Variants in PRKN observed in about 807,000 individuals in gnomAD.
The protein encoded by PRKN is E3 ubiquitin-protein ligase parkin.
PRKN carries 56 observed loss-of-function variants against 59.5 expected under a neutral mutation model. That is an observed-to-expected ratio of 0.94 (90% CI 0.76 to 1.18). PRKN has a LOEUF of 1.18. Ranked by LOEUF, PRKN falls within the 50% of genes most tolerant of loss-of-function variation. The pLI is 0.00. For synonymous variants in PRKN, 250 were observed against 222.1 expected, an observed-to-expected ratio of 1.13 and a Z score of -1.12; for missense variants, 657 against 596.4, an observed-to-expected ratio of 1.10 and a Z score of -1.06.
At chr6:162,386,828 C>T (rs1786848030) in intron 2 of PRKN, among the ~76,000 whole-genome samples, 1 of 152,150 alleles carries the variant, frequency 6.6e-6, no homozygotes, top group Non-Finnish European at 1.5e-5. Flanking sequence ...GTTTCAAACT[C>T]AATCTAAACC....
chr6:162,682,166 G>A (rs1286828385), intron 1 of PRKN, among the ~76,000 whole-genome samples: 1 of 151,960 alleles, frequency 6.6e-6, no homozygotes, highest in Non-Finnish European at 1.5e-5. Context: ...AGCCATACAA[G>A]TGCATATAGT....
chr6:162,533,200 A>G (rs1022713787), intron 1 of PRKN, among the ~76,000 whole-genome samples: 2 of 152,150 alleles, frequency 1.3e-5, no homozygotes, highest in African/African-American at 4.8e-5. Context: ...TTACAATGCT[A>G]TTGTTCTCTG....
rs944882932 is a variant in PRKN, at chr6:162,244,304, A to G, written c.412+18221T>C. Reference sequence around the variant, plus strand: ...TGTGGTCTAGGGCTGGGCACATTCAATCTTATTCTGTATTAAAGTACAGAG... The same window carrying G: ...TGTGGTCTAGGGCTGGGCACATTCAGTCTTATTCTGTATTAAAGTACAGAG... On this transcript the variant is annotated intron_variant, in intron 3 of 11. Transcript: ENST00000366898. Among the ~76,000 whole-genome samples, 4 of 152,020 alleles carry G rather than the reference A, an allele frequency of 2.6e-5. No individual in the cohort carries two copies. In the East Asian group the frequency reaches 5.8e-4, roughly 22 times the overall value.
chr6:162,691,299 G>A (rs1161103098), intron 1 of PRKN, among the ~76,000 whole-genome samples: 2 of 151,878 alleles, frequency 1.3e-5, no homozygotes, highest in African/African-American at 4.8e-5. Context: ...AAATGTTTTA[G>A]AACAAAATAT....
chr6:162,724,753 T>A (rs926231133), intron 1 of PRKN, among the ~76,000 whole-genome samples: 2 of 152,144 alleles, frequency 1.3e-5, no homozygotes, highest in African/African-American at 2.4e-5. Flanking sequence ...GAAAAACAAA[T>A]TTTCCTTTGT....
rs574663108 is a variant in PRKN, at chr6:162,448,345, C to A, written c.8-4872G>T. Among the ~76,000 whole-genome samples the A allele has an allele frequency of 1.6e-3, 238 of 152,180 alleles. 1 individual carries two copies. The highest frequency in any genetic ancestry group is 1.9e-3 in the Non-Finnish European group (127 of 67,988). ...TCACACCCTCCTGCGATTACTACCC[C>A]ATTTTTCTATATAGAAATTTTCATT... On this transcript the variant is annotated intron_variant, in intron 1 of 11. Transcript: ENST00000366898.
chr6:162,389,119 T>C (rs1428125146), intron 2 of PRKN, among the ~76,000 whole-genome samples: 1 of 151,492 alleles, frequency 6.6e-6, no homozygotes, highest in African/African-American at 2.4e-5. Flanking sequence ...TTTGAATGGA[T>C]GTGTGAGTCC....
In PRKN at chr6:162,564,091, A is replaced by T. The variant is rs533486948; in HGVS notation, c.8-120618T>A. On this transcript the variant is annotated intron_variant, in intron 1 of 11. Coordinates refer to ENST00000366898, the MANE Select transcript of PRKN (RefSeq NM_004562.3). ...GCTGGGTGCGGTGGCTCATGCCTGT[A>T]ATCCCAGCACTTTGGGAGGCCGAGG... 2.6e-5 allele frequency among the ~76,000 whole-genome samples: 4 copies of T among 152,268 alleles called. No homozygotes were observed. In the East Asian group the frequency reaches 7.7e-4, roughly 29 times the overall value.
chr6:162,401,637 A>G (rs1787797697), intron 2 of PRKN, among the ~76,000 whole-genome samples: 1 of 152,196 alleles, frequency 6.6e-6, no homozygotes, highest in Non-Finnish European at 1.5e-5. Flanking sequence ...TGAAAACTCA[A>G]AAAATCATGT....
At chr6:162,552,402 G>A (rs1020292607) in intron 1 of PRKN, among the ~76,000 whole-genome samples, 8 of 152,126 alleles carry the variant, frequency 5.3e-5, no homozygotes, top group Non-Finnish European at 2.9e-5. Context: ...GCAGGTTATC[G>A]CGGTGGCAAT....
chr6:162,402,857 T>C (rs1206037921), intron 2 of PRKN, among the ~76,000 whole-genome samples: 2 of 152,030 alleles, frequency 1.3e-5, no homozygotes, highest in African/African-American at 4.8e-5. Flanking sequence ...TCCTGCTGTA[T>C]TGCCCGGGCT....
chr6:162,222,414 C>T (rs571964999), intron 3 of PRKN, among the ~76,000 whole-genome samples: 14 of 152,234 alleles, frequency 9.2e-5, no homozygotes, highest in African/African-American at 2.9e-4. Context: ...AGCTTCCGAC[C>T]GCTTTGAAGA....
chr6:162,081,136 A>T lies in PRKN; in HGVS notation c.535-26962T>A, dbSNP rs545869678. The stretch of plus-strand genomic sequence containing the variant: ...TCCACTGAAGTCTTGAATCCCTTAA[A>T]GTCATCCATGAGGGTTAGAATCGAC... On this transcript the variant is annotated intron_variant, in intron 4 of 11. Coordinates refer to ENST00000366898, the MANE Select transcript of PRKN (RefSeq NM_004562.3). 4.6e-5 allele frequency among the ~76,000 whole-genome samples: 7 copies of T among 152,116 alleles called. No individual in the cohort carries two copies. In the South Asian group the frequency reaches 1.5e-3, roughly 32 times the overall value.
chr6:161,565,260 A>G (rs762304479), intron 8 of PRKN, among the ~76,000 whole-genome samples: 10 of 152,172 alleles, frequency 6.6e-5, no homozygotes, highest in Non-Finnish European at 1.0e-4. Context: ...GTGCCTACAC[A>G]GATGAGTGTG....
chr6:162,537,405 G>C (rs550288563), intron 1 of PRKN, among the ~76,000 whole-genome samples: 64 of 152,174 alleles, frequency 4.2e-4, no homozygotes, highest in Non-Finnish European at 2.8e-4. Context: ...AGGGGTTTCC[G>C]CATCACCTAT....
At position 161,471,886 on chromosome 6, in the gene PRKN, G is replaced by C. The variant is rs985572587; in HGVS notation, c.1083+76968C>G. On this transcript the variant is annotated intron_variant, in intron 9 of 11. Transcript: ENST00000366898. This position sits in a 1 kb window ranked among gnomAD's most constrained non-coding sequence, Gnocchi z 4.5. Reference sequence around the variant, plus strand: ...AAATACAGCATAAACTGAAGGTGTGGATAGTTTTCTTTTGCTATGTGGTGG... The same window carrying C: ...AAATACAGCATAAACTGAAGGTGTGCATAGTTTTCTTTTGCTATGTGGTGG... Among the ~76,000 whole-genome samples, 1 of 152,102 alleles carries C rather than the reference G, an allele frequency of 6.6e-6. No homozygotes were observed. The highest frequency in any genetic ancestry group is 6.5e-5 in the Admixed American group (1 of 15,272).
chr6:162,357,395 A>AC (rs758101043), intron 2 of PRKN, among the ~76,000 whole-genome samples: 3 of 152,202 alleles, frequency 2.0e-5, no homozygotes, highest in Non-Finnish European at 4.4e-5. Flanking sequence ...AAAGATGCTC[A>AC]CCATCATATG....
At chr6:161,510,730 A>C (rs1209103867) in intron 9 of PRKN, among the ~76,000 whole-genome samples, 1 of 152,210 alleles carries the variant, frequency 6.6e-6, no homozygotes, top group Non-Finnish European at 1.5e-5. Context: ...ACCTTCAAGA[A>C]AATAATAGCA....
intron 1 of PRKN, among the ~76,000 whole-genome samples, chr6:162,618,768 TG>T (rs1562441571): frequency 6.6e-6 from 1 of 152,220 alleles, no homozygotes; most frequent in Non-Finnish European, 1.5e-5. Context: ...AAAAGTTAAT[TG>T]CTTGTCTATC....
Sources: gnomAD v4.1 joint callset for allele counts (sites outside exome capture counted in the v4.1 genomes callset) on GRCh38, gnomAD v4.1.1 for gene constraint, Gnocchi (gnomAD v3.1) non-coding constraint, MANE v1.5 for transcripts, NCBI Gene and HGNC (gene_info 2026-07-23, HGNC 2026-07-21) for gene names.